The following CNTNAP2 variants were observed in gnomAD, a reference collection of about 807,000 sequenced individuals.
CNTNAP2 encodes contactin associated protein 2.
In CNTNAP2, 98 loss-of-function variants were observed where a neutral mutation model predicts 155.2. The ratio of observed to expected loss-of-function variants is 0.63; its 90% CI spans 0.54 to 0.75. The LOEUF (loss-of-function observed/expected upper bound fraction) is 0.75, where lower values mean the gene tolerates loss of function less well. Among genes scored for constraint, CNTNAP2 ranks in the 30% least tolerant of loss-of-function variants. The probability of loss-of-function intolerance (pLI) is 0.00; values close to 1 mark genes in which losing one functional copy is unlikely to be tolerated. For synonymous variants in CNTNAP2, 651 were observed against 631.2 expected (o/e 1.03, Z -0.47); for missense variants, 1,727 against 1,688.1 (o/e 1.02, Z -0.40).
intron 21 of CNTNAP2, among the ~76,000 whole-genome samples, chr7:148,328,531 C>A (rs1014058597): frequency 6.6e-6 from 1 of 151,318 alleles, no homozygotes; most frequent in South Asian, 2.1e-4. Flanking sequence ...GGGCCATGAA[C>A]TTGTAGGGAG....
intron 1 of CNTNAP2, among the ~76,000 whole-genome samples, chr7:146,312,182 G>A (rs1347063917): frequency 6.6e-6 from 1 of 152,054 alleles, no homozygotes; most frequent in Non-Finnish European, 1.5e-5. Context: ...TTTTAACCTC[G>A]ATCTCATTGA....
intron 8 of CNTNAP2, among the ~76,000 whole-genome samples, chr7:147,256,664 A>C (rs755644849): frequency 4.6e-5 from 7 of 152,194 alleles, no homozygotes; most frequent in Non-Finnish European, 8.8e-5. Context: ...AGGATGACAA[A>C]TGTGATCTAC....
intron 10 of CNTNAP2, among the ~76,000 whole-genome samples, chr7:147,421,891 C>T (rs1797296846): frequency 6.6e-6 from 1 of 151,956 alleles, no homozygotes; most frequent in Admixed American, 6.6e-5. Flanking sequence ...CTGTGAGATG[C>T]TTGCTCCCTC....
intron 14 of CNTNAP2, among the ~76,000 whole-genome samples, chr7:147,966,080 A>G (rs1801204620): frequency 6.6e-6 from 1 of 152,168 alleles, no homozygotes; most frequent in Non-Finnish European, 1.5e-5. Flanking sequence ...AAGTATCTCA[A>G]AGATGATGTG....
chr7:147,789,107 A>T (rs1450653486), intron 13 of CNTNAP2, among the ~76,000 whole-genome samples: 1 of 151,484 alleles, frequency 6.6e-6, no homozygotes, highest in East Asian at 2.0e-4. Flanking sequence ...GGGTTTCACC[A>T]TGTTGGCCAG....
At chr7:147,705,642 T>C (rs1796298754) in intron 13 of CNTNAP2, among the ~76,000 whole-genome samples, 1 of 152,132 alleles carries the variant, frequency 6.6e-6, no homozygotes, top group African/African-American at 2.4e-5. Context: ...TCATGCTGAG[T>C]GTAAGGTGTT....
At chr7:147,289,676 T>C (rs905032564) in intron 8 of CNTNAP2, among the ~76,000 whole-genome samples, 1 of 152,230 alleles carries the variant, frequency 6.6e-6, no homozygotes, top group African/African-American at 2.4e-5. Flanking sequence ...GATGTTTGTC[T>C]TTTGGCTAGG....
At position 146,565,386 on chromosome 7, in the gene CNTNAP2, A is replaced by AT. The variant is rs983543439; in HGVS notation, c.98-208875dup. ...TTCACCTGAAAGTATATTCATAGCC[A>AT]TTTTTTTTTTGTTAATGTTAAATAA... On this transcript the variant is annotated intron_variant, in intron 1 of 23. Transcript: ENST00000361727. 3.1e-3 allele frequency among the ~76,000 whole-genome samples: 457 copies of AT among 149,222 alleles called. 4 individuals carry two copies. Among genetic ancestry groups the AT allele is most frequent in the African/African-American group, 8.5e-3 (346 of 40,856 alleles).
intron 1 of CNTNAP2, among the ~76,000 whole-genome samples, chr7:146,253,747 T>C (rs966403889): frequency 6.6e-6 from 1 of 152,110 alleles, no homozygotes; most frequent in African/African-American, 2.4e-5. Context: ...CGTCAAACTG[T>C]TTTAAAAGAT....
intron 9 of CNTNAP2, among the ~76,000 whole-genome samples, chr7:147,346,452 C>G (rs1199312606): frequency 3.3e-5 from 5 of 152,192 alleles, no homozygotes; most frequent in Non-Finnish European, 4.4e-5. Context: ...CCGCGCCCGG[C>G]CCATAATCGA....
intron 11 of CNTNAP2, among the ~76,000 whole-genome samples, chr7:147,487,430 A>G (rs965513875): frequency 2.0e-5 from 3 of 152,244 alleles, no homozygotes; most frequent in African/African-American, 7.2e-5. Context: ...AGTATGTGAC[A>G]TTTATTAAAT....
intron 15 of CNTNAP2, among the ~76,000 whole-genome samples, chr7:148,091,357 A>T (rs1803836973): frequency 6.6e-6 from 1 of 152,218 alleles, no homozygotes; most frequent in Non-Finnish European, 1.5e-5. Flanking sequence ...TACACCATAC[A>T]TATATACAAT....
intron 9 of CNTNAP2, among the ~76,000 whole-genome samples, chr7:147,314,980 A>G (rs867746058): frequency 6.6e-6 from 1 of 150,980 alleles, no homozygotes; most frequent in African/African-American, 2.4e-5. Context: ...TAGTTCTACT[A>G]TTTGCTAGCC....
chr7:147,031,688 T>C (rs1799035234), intron 3 of CNTNAP2, among the ~76,000 whole-genome samples: 1 of 152,314 alleles, frequency 6.6e-6, no homozygotes. Flanking sequence ...GAGGCCAAGC[T>C]GGGCAGATCA....
At chr7:147,378,711 G>T (rs191622550) in intron 9 of CNTNAP2, among the ~76,000 whole-genome samples, 1 of 152,130 alleles carries the variant, frequency 6.6e-6, no homozygotes, top group Non-Finnish European at 1.5e-5. Flanking sequence ...GGTAACTAAA[G>T]CCAACAATAT....
At chr7:147,215,347 A>G (rs1803244891) in intron 8 of CNTNAP2, among the ~76,000 whole-genome samples, 1 of 152,162 alleles carries the variant, frequency 6.6e-6, no homozygotes, top group African/African-American at 2.4e-5. Flanking sequence ...GCCATGCTGT[A>G]TCTATTCATC....
intron 18 of CNTNAP2, among the ~76,000 whole-genome samples, chr7:148,208,312 G>A (rs1311191472): frequency 6.6e-6 from 1 of 152,138 alleles, no homozygotes; most frequent in Non-Finnish European, 1.5e-5. Flanking sequence ...CAGATTTGTG[G>A]GAAAGGATGA....
intron 21 of CNTNAP2, among the ~76,000 whole-genome samples, chr7:148,306,111 T>C (rs1455785407): frequency 2.6e-5 from 4 of 152,260 alleles, no homozygotes; most frequent in African/African-American, 9.6e-5. Flanking sequence ...AATTCTCATT[T>C]AGAAATTATT....
At position 148,252,387 on chromosome 7, in the gene CNTNAP2, C is replaced by A. The variant is rs552180855; in HGVS notation, c.3382-14646C>A. Among the ~76,000 whole-genome samples the A allele has an allele frequency of 2.0e-5, 3 of 152,272 alleles. No individual in the cohort carries two copies. The East Asian group carries it at 5.8e-4, about 29-fold the overall frequency. On this transcript the variant is annotated intron_variant, in intron 20 of 23. Transcript: ENST00000361727. ...ACCTTGAGCCACAATTTTCACCAAC[C>A]TTTCCTCTCTGATGGAAATCTGAAG...
Sources: allele counts gnomAD v4.1 joint callset (sites outside exome capture counted in the v4.1 genomes callset), GRCh38; gene constraint gnomAD v4.1.1; transcripts MANE v1.5; gene names NCBI Gene and HGNC (gene_info 2026-07-23, HGNC 2026-07-21).